Variants in DPP10 observed in about 807,000 individuals in gnomAD.
DPP10 encodes dipeptidyl peptidase like 10, also known as inactive dipeptidyl peptidase 10.
Under a neutral mutation model 120.9 loss-of-function variants are expected in DPP10, and 33 were observed. The ratio of observed to expected loss-of-function variants is 0.27; its 90% CI spans 0.21 to 0.37. The LOEUF is 0.37. Among genes scored for constraint, DPP10 ranks in the 10% least tolerant of loss-of-function variants. DPP10 has a pLI of 1.00. For missense variants in DPP10, 816 were observed against 942.8 expected (o/e 0.87, Z 1.76); for synonymous variants, 337 against 326.1 (o/e 1.03, Z -0.36).
intron 1 of DPP10, among the ~76,000 whole-genome samples, chr2:114,619,721 G>A (rs67161848): frequency 0.024 from 3,719 of 152,044 alleles, 58 homozygotes; most frequent in Non-Finnish European, 0.039. Context: ...CAACATGCTT[G>A]TCAATATATG....
intron 3 of DPP10, among the ~76,000 whole-genome samples, chr2:115,380,148 G>C (rs1164899431): frequency 6.6e-6 from 1 of 152,122 alleles, no homozygotes; most frequent in Non-Finnish European, 1.5e-5. Flanking sequence ...TGTTGACAGT[G>C]GGGTGTTAAA....
At chr2:115,134,026 T>C (rs964523614) in intron 1 of DPP10, among the ~76,000 whole-genome samples, 1 of 152,230 alleles carries the variant, frequency 6.6e-6, no homozygotes, top group Non-Finnish European at 1.5e-5. Flanking sequence ...TATGCTTCTC[T>C]GAAAACACAT....
At chr2:114,563,065 GT>G (rs1688895015) in intron 1 of DPP10, among the ~76,000 whole-genome samples, 1 of 152,080 alleles carries the variant, frequency 6.6e-6, no homozygotes, top group Admixed American at 6.6e-5. Flanking sequence ...AAATTTCAAC[GT>G]TTGCATATTA....
intron 3 of DPP10, among the ~76,000 whole-genome samples, chr2:115,440,573 C>T (rs556852138): frequency 7.8e-4 from 119 of 152,272 alleles, no homozygotes; most frequent in African/African-American, 2.7e-3. Context: ...AGACGGCTAA[C>T]GCTCAAAATT....
chr2:115,529,157 G>A (rs1224368958), intron 5 of DPP10, among the ~76,000 whole-genome samples: 1 of 151,692 alleles, frequency 6.6e-6, no homozygotes, highest in Non-Finnish European at 1.5e-5. Context: ...CCTAAAATAA[G>A]GCAAATTTTT....
intron 1 of DPP10, among the ~76,000 whole-genome samples, chr2:114,994,831 G>C: frequency 6.6e-6 from 1 of 152,150 alleles, no homozygotes; most frequent in South Asian, 2.1e-4. Flanking sequence ...ACTACACAGT[G>C]GTTATTTAGA....
chr2:114,514,946 G>A (rs1684469210), intron 1 of DPP10, among the ~76,000 whole-genome samples: 2 of 152,102 alleles, frequency 1.3e-5, no homozygotes, highest in Non-Finnish European at 1.5e-5. Context: ...TTCACTTGTT[G>A]ATGTTAGTAA....
At chr2:114,611,976 A>G (rs1296716935) in intron 1 of DPP10, among the ~76,000 whole-genome samples, 2 of 152,176 alleles carry the variant, frequency 1.3e-5, no homozygotes, top group Non-Finnish European at 2.9e-5. Flanking sequence ...TTCCTAGGAC[A>G]AACAAACAAT....
chr2:115,312,152 T>C (rs111536681), intron 2 of DPP10, among the ~76,000 whole-genome samples: 32 of 152,280 alleles, frequency 2.1e-4, no homozygotes, highest in African/African-American at 7.5e-4. Flanking sequence ...GTAGGGACAT[T>C]ATAAAATAAA....
intron 1 of DPP10, among the ~76,000 whole-genome samples, chr2:114,512,209 C>G (rs1293340469): frequency 6.6e-6 from 1 of 152,100 alleles, no homozygotes; most frequent in East Asian, 1.9e-4. Flanking sequence ...ATTAGTGAAC[C>G]CTGATGTTAG....
At chr2:115,708,342 G>C (rs2092202790) in intron 7 of DPP10, among the ~76,000 whole-genome samples, 1 of 151,822 alleles carries the variant, frequency 6.6e-6, no homozygotes, top group Non-Finnish European at 1.5e-5. Flanking sequence ...AAAAAGACTT[G>C]CTAATAATAT....
intron 5 of DPP10, among the ~76,000 whole-genome samples, chr2:115,566,118 G>A (rs1159913706): frequency 6.6e-5 from 10 of 151,946 alleles, no homozygotes; most frequent in South Asian, 4.1e-4. Context: ...TAATACTATC[G>A]AAGTGATATT....
chr2:114,991,365 T>C (rs1456519785), intron 1 of DPP10, among the ~76,000 whole-genome samples: 1 of 152,198 alleles, frequency 6.6e-6, no homozygotes. Context: ...CAAAGTTACT[T>C]TCTCTGAAAA....
intron 5 of DPP10, among the ~76,000 whole-genome samples, chr2:115,644,617 G>GAAA (rs374225458): frequency 6.5e-5 from 9 of 138,266 alleles, no homozygotes; most frequent in African/African-American, 2.4e-4. Context: ...TAAGGTATTT[G>GAAA]AAAAAAAAAA....
chr2:114,601,214 A>AT (rs1305051346), intron 1 of DPP10, among the ~76,000 whole-genome samples: 1 of 151,916 alleles, frequency 6.6e-6, no homozygotes, highest in Non-Finnish European at 1.5e-5. Context: ...ATGGTTCTTC[A>AT]TCGAGTTTAG....
intron 1 of DPP10, among the ~76,000 whole-genome samples, chr2:114,878,971 T>G (rs1321426873): frequency 1.3e-5 from 2 of 152,074 alleles, no homozygotes; most frequent in Non-Finnish European, 2.9e-5. Flanking sequence ...ATACCTGAAA[T>G]TTTCATGTGA....
At chr2:114,899,846 G>T (rs1457659323) in intron 1 of DPP10, among the ~76,000 whole-genome samples, 3 of 152,134 alleles carry the variant, frequency 2.0e-5, no homozygotes, top group African/African-American at 7.2e-5. Flanking sequence ...TGTGGTCCCA[G>T]CTACTCGGGA....
At chr2:114,545,909 C>G (rs1404914778) in intron 1 of DPP10, among the ~76,000 whole-genome samples, 1 of 152,084 alleles carries the variant, frequency 6.6e-6, no homozygotes, top group Non-Finnish European at 1.5e-5. Flanking sequence ...TTTGCTGCTG[C>G]CATTTCATTA....
chr2:114,950,829 T>C (rs1486824245), intron 1 of DPP10, among the ~76,000 whole-genome samples: 1 of 152,142 alleles, frequency 6.6e-6, no homozygotes, highest in South Asian at 2.1e-4. Context: ...GGAAAAACAA[T>C]ATATGACAAT....
Sources: allele counts gnomAD v4.1 joint callset (sites outside exome capture counted in the v4.1 genomes callset), GRCh38; gene constraint gnomAD v4.1.1; transcripts MANE v1.5; gene names NCBI Gene and HGNC (gene_info 2026-07-23, HGNC 2026-07-21).